Variants in TTF2 observed in about 807,000 individuals in gnomAD.
TTF2 encodes transcription termination factor 2, also known as RNA polymerase II termination factor.
In TTF2, 108 loss-of-function variants were observed where a neutral mutation model predicts 142.4. The observed-to-expected ratio is 0.76, with a 90% CI of 0.65 to 0.89. The LOEUF is 0.89. TTF2 is among the 40% of genes least tolerant of loss of function. TTF2 has a pLI of 0.00. For synonymous variants in TTF2, 483 were observed against 506.2 expected, an observed-to-expected ratio of 0.95 and a Z score of 0.61; for missense variants, 1,327 against 1,379.8, an observed-to-expected ratio of 0.96 and a Z score of 0.61.
Position 117,099,434 on chromosome 1 carries a change from C to A in TTF2, c.3344+527C>A, listed in dbSNP as rs1022525126. Among the ~76,000 whole-genome samples the A allele has an allele frequency of 6.6e-6, 1 of 152,150 alleles. No individual in the cohort carries two copies. The highest frequency in any genetic ancestry group is 1.5e-5 in the Non-Finnish European group (1 of 68,026). ...AATTAATAAAACACTATTATCTGAT[C>A]TACAGATCTTTTCAATCTCACTTGT... On this transcript the variant is annotated intron_variant, in intron 22 of 22. Transcript: ENST00000369466. This position sits in a 1 kb window ranked among gnomAD's most constrained non-coding sequence, Gnocchi z 4.3.
At chr1:117,088,396 G>C (rs1648223255) in intron 12 of TTF2, among the ~76,000 whole-genome samples, 1 of 152,170 alleles carries the variant, frequency 6.6e-6, no homozygotes. Flanking sequence ...AATTAGCCGG[G>C]TGTGGTGGCG....
chr1:117,078,171 GC>G (rs1657172541), intron 8 of TTF2, 128 bp downstream of exon 8: 1 of 1,224,184 alleles, frequency 8.2e-7, no homozygotes, highest in Non-Finnish European at 1.1e-6. Context: ...TTCCCTTGCA[GC>G]ATCCTCTCCT....
At chr1:117,067,947 C>T (rs918949920) in intron 3 of TTF2, among the ~76,000 whole-genome samples, 7 of 152,252 alleles carry the variant, frequency 4.6e-5, no homozygotes, top group Non-Finnish European at 1.0e-4. Context: ...GTGTGCAGAT[C>T]TCTAACTGAA....
rs139705346 is a variant in TTF2, at chr1:117,076,740, G to A, written c.1490G>A (p.Arg497His). ...CTGGTGCCTCCCCAACCCCTTCCTCGTCGTGGTACCCAACCTGTGGGTTCT... is the reference window on the plus strand; with the variant it reads ...CTGGTGCCTCCCCAACCCCTTCCTCATCGTGGTACCCAACCTGTGGGTTCT... ...PHLVPPQPLP[R>H]RGTQPVGSLE... is the part of the protein sequence containing the mutation. The change falls in exon 7 of 23, where the codon CGT becomes CAT. Residue 497 changes from arginine to histidine, a missense_variant. Coordinates refer to ENST00000369466, the MANE Select transcript of TTF2 (RefSeq NM_003594.4). This position sits in a 1 kb window ranked among gnomAD's most constrained non-coding sequence, Gnocchi z 4.6. The A allele has an allele frequency of 5.7e-3, 9,125 of 1,613,930 alleles. 35 individuals are homozygous for A. Among genetic ancestry groups the A allele is most frequent in the Middle Eastern group, 6.8e-3 (41 of 6,056 alleles).
Position 117,060,532 on chromosome 1 carries a change from A to G in TTF2, c.106A>G (p.Thr36Ala), listed in dbSNP as rs748642661. The change falls in exon 2 of 23, where the codon ACG (threonine) becomes GCG (alanine). Residue 36 changes from threonine (T) to alanine (A), a missense_variant. By Grantham distance (58) the Thr-to-Ala change is moderately conservative. Coordinates refer to ENST00000369466, the MANE Select transcript of TTF2 (RefSeq NM_003594.4). ...GAGCTTCTACGTGTGCCGGGCAGAC[A>G]CGTGCAGCTTCGTGCGGGCCACCGA... Reference protein sequence around the residue: ...GKSFYVCRADTCSFVRATDIP... With the variant: ...GKSFYVCRADACSFVRATDIP... The G allele has an allele frequency of 6.2e-7, 1 of 1,613,462 alleles. No individual in the cohort carries two copies. The highest frequency in any genetic ancestry group is 1.1e-5 in the South Asian group (1 of 91,034).
intron 2 of TTF2, among the ~76,000 whole-genome samples, chr1:117,062,101 A>G (rs1052838458): frequency 1.3e-5 from 2 of 152,132 alleles, no homozygotes; most frequent in African/African-American, 2.4e-5. Flanking sequence ...TAATTATGTC[A>G]TTCGTAGGGG....
Position 117,090,573 on chromosome 1 carries a change from G to C in TTF2, c.2538G>C (p.Lys846Asn), listed in dbSNP as rs760862233. The stretch of plus-strand genomic sequence containing the variant: ...GTAAATTTCAGTTGCACCATTTAAA[G>C]CTTTCTGAAGATGAAGAGACTGTTT... ...PQRKFQLHHL[K>N]LSEDEETVYN... is the part of the protein sequence containing the mutation. The change falls in exon 15 of 23, where the codon AAG (lysine) becomes AAC (asparagine). Residue 846 changes from lysine to asparagine, a missense_variant. By Grantham distance (94) the Lys-to-Asn change is moderately conservative. Transcript: ENST00000369466. This position sits in a 1 kb window ranked among gnomAD's most constrained non-coding sequence, Gnocchi z 4.8. 6.2e-6 allele frequency: 10 copies of C among 1,613,878 alleles called. No homozygotes were observed. The highest frequency in any genetic ancestry group is 8.5e-6 in the Non-Finnish European group (10 of 1,180,012).
At chr1:117,062,087 G>T (rs1204715258) in intron 2 of TTF2, among the ~76,000 whole-genome samples, 1 of 152,174 alleles carries the variant, frequency 6.6e-6, no homozygotes, top group Non-Finnish European at 1.5e-5. Context: ...CTCACAGCCA[G>T]CCCTAATTAT....
intron 16 of TTF2, 79 bp downstream of exon 16, chr1:117,091,489 G>C: frequency 7.1e-7 from 1 of 1,409,880 alleles, no homozygotes; most frequent in African/African-American, 1.4e-5. Flanking sequence ...GAAATGTGAG[G>C]TTATGAATCC....
In TTF2 at chr1:117,075,942, G is replaced by C; in HGVS notation, c.1275+83G>C. The C allele has an allele frequency of 6.7e-7, 1 of 1,501,014 alleles. No homozygotes were observed. Among genetic ancestry groups the C allele is most frequent in the Non-Finnish European group, 8.9e-7 (1 of 1,129,528 alleles). The allele number at this position is 1,501,014 out of a possible 1,614,324, so 93.0% of individuals were successfully genotyped here. ...TATGAGATCTCATTGCTACAGAAGG[G>C]TTAAATATGTTCATGTGAAGGTTTT... is the stretch of plus-strand genomic sequence containing the variant. On this transcript the variant is annotated intron_variant, in intron 5 of 22. Coordinates refer to ENST00000369466, the MANE Select transcript of TTF2 (RefSeq NM_003594.4). This position sits in a 1 kb window ranked among gnomAD's most constrained non-coding sequence, Gnocchi z 4.5.
At position 117,096,156 on chromosome 1, in the gene TTF2, G is replaced by A; in HGVS notation, c.3043G>A (p.Val1015Ile). 1 of 1,613,890 alleles carries A rather than the reference G, an allele frequency of 6.2e-7. No individual in the cohort carries two copies. Among genetic ancestry groups the A allele is most frequent in the African/African-American group, 1.3e-5 (1 of 74,964 alleles). The change falls in exon 20 of 23, where the codon GTC becomes ATC. Residue 1015 changes from valine (V) to isoleucine (I), a missense_variant. Coordinates refer to ENST00000369466, the MANE Select transcript of TTF2 (RefSeq NM_003594.4). ...TTTTATTCTTCTTTCCAGTGTCATT[G>A]TCTCTCAGTGGACCAACATGCTGAA... Reference protein sequence around the residue: ...RNSASQKSVIVSQWTNMLKVV... With the variant: ...RNSASQKSVIISQWTNMLKVV...
rs1221160135 is a variant in TTF2, at chr1:117,086,444, T to C, written c.2082T>C (p.Thr694=). ...TCTCTACATATGACATCGTGATCAC[T>C]ACCTATAGCCTCGTGGCCAAGGAGA... is the stretch of plus-strand genomic sequence containing the variant. ...RVLSTYDIVI[T]TYSLVAKEIP... The change falls in exon 12 of 23, where the codon ACT becomes ACC. Residue 694 remains threonine (T), a synonymous_variant. Transcript: ENST00000369466. The surrounding 1 kb of genome is among the most constrained non-coding windows in gnomAD (Gnocchi z 4.2). 2 of 1,612,036 alleles carry C rather than the reference T, an allele frequency of 1.2e-6. No individual in the cohort carries two copies. Among genetic ancestry groups the C allele is most frequent in the Non-Finnish European group, 8.5e-7 (1 of 1,178,234 alleles).
chr1:117,062,543 C>T (rs1655774892), intron 3 of TTF2, 70 bp downstream of exon 3: 2 of 1,443,454 alleles, frequency 1.4e-6, no homozygotes, highest in Non-Finnish European at 9.5e-7. Context: ...GAGTTGTAGC[C>T]AGGTATGTAT....
At position 117,078,004 on chromosome 1, in the gene TTF2, T is replaced by A; in HGVS notation, c.1662T>A (p.Pro554=). 1 of 1,614,176 alleles carries A rather than the reference T, an allele frequency of 6.2e-7. No individual in the cohort carries two copies. Among genetic ancestry groups the A allele is most frequent in the Non-Finnish European group, 8.5e-7 (1 of 1,180,010 alleles). ...GQLHRSLESC[P]GETVVAEDPA... ...TGCATCGCTCACTTGAGTCATGTCC[T>A]GGTGAGACGGTTGTGGCAGAAGATC... is the stretch of plus-strand genomic sequence containing the variant. The change falls in exon 8 of 23, where the codon CCT becomes CCA. Residue 554 remains proline (P), a synonymous_variant. Transcript: ENST00000369466.
At position 117,087,344 on chromosome 1, in the gene TTF2, G is replaced by C. The variant is rs1010475386; in HGVS notation, c.2160+822G>C. ...ATCTCACTCTGTCGCCCAGGATGGA[G>C]TGCATGGTGCGATCTTGGCTCACTG... On this transcript the variant is annotated intron_variant, in intron 12 of 22. Transcript: ENST00000369466. The surrounding 1 kb of genome is among the most constrained non-coding windows in gnomAD (Gnocchi z 4.8). Among the ~76,000 whole-genome samples the C allele has an allele frequency of 2.0e-5, 3 of 152,276 alleles. No individual in the cohort carries two copies. Among genetic ancestry groups the C allele is most frequent in the East Asian group, 1.9e-4 (1 of 5,184 alleles).
Position 117,081,947 on chromosome 1 carries a change from G to A in TTF2, c.1903G>A (p.Asp635Asn). The A allele has an allele frequency of 6.2e-7, 1 of 1,614,050 alleles. No individual in the cohort carries two copies. Among genetic ancestry groups the A allele is most frequent in the Non-Finnish European group, 8.5e-7 (1 of 1,179,972 alleles). ...AGCTTTGACGTGGCTCTCCAAAGAT[G>A]GTAGACAGAAGTGCCTTAATAGCCT... ...STALTWLSKD[D>N]SCDFTSHGTL... Residue 635 changes from aspartate to asparagine, a missense_variant and splice_region_variant, in exon 10 of 23, where the codon GAC becomes AAC. Coordinates refer to ENST00000369466, the MANE Select transcript of TTF2 (RefSeq NM_003594.4).
rs941816540 is a variant in TTF2, at chr1:117,087,226, G to A, written c.2160+704G>A. On this transcript the variant is annotated intron_variant, in intron 12 of 22. Coordinates refer to ENST00000369466, the MANE Select transcript of TTF2 (RefSeq NM_003594.4). The surrounding 1 kb of genome is among the most constrained non-coding windows in gnomAD (Gnocchi z 4.8). ...TGACTTATAGATGATGAACTTTTCA[G>A]ATTGCTCACTGGTTTTCCATTGCTT... is the stretch of plus-strand genomic sequence containing the variant. 6.6e-6 allele frequency among the ~76,000 whole-genome samples: 1 copy of A among 152,170 alleles called. No homozygotes were observed. Among genetic ancestry groups the A allele is most frequent in the Non-Finnish European group, 1.5e-5 (1 of 68,040 alleles).
chr1:117,086,247 ATGTG>A lies in TTF2; in HGVS notation c.2055-149_2055-146del, dbSNP rs3831091. Among the ~76,000 whole-genome samples the A allele has an allele frequency of 5.4e-3, 806 of 148,846 alleles. 4 individuals carry two copies. The highest frequency in any genetic ancestry group is 0.018 in the African/African-American group (724 of 40,716). On this transcript the variant is annotated intron_variant, in intron 11 of 22. Transcript: ENST00000369466. This position sits in a 1 kb window ranked among gnomAD's most constrained non-coding sequence, Gnocchi z 4.2. Reference sequence around the variant, plus strand: ...CAAGTGGGTAAAATTTACCTCCAAAATGTGTGTGTGTGTGTGTGTGTGTGCGTGT... The same window carrying A: ...CAAGTGGGTAAAATTTACCTCCAAAATGTGTGTGTGTGTGTGTGTGCGTGT...
intron 2 of TTF2, 134 bp downstream of exon 2, chr1:117,060,691 G>A: frequency 3.8e-6 from 3 of 784,464 alleles, no homozygotes; most frequent in Non-Finnish European, 5.7e-6. Context: ...GACCCTTTAA[G>A]CAATTGGTGA....
Sources: allele counts gnomAD v4.1 joint callset (sites outside exome capture counted in the v4.1 genomes callset), GRCh38; gene constraint gnomAD v4.1.1; non-coding constraint Gnocchi (gnomAD v3.1); transcripts MANE v1.5; gene names NCBI Gene and HGNC (gene_info 2026-07-23, HGNC 2026-07-21).